DPP10: variants seen among roughly 807,000 people sequenced by gnomAD.
The protein encoded by DPP10 is dipeptidyl peptidase like 10.
A neutral mutation model predicts 120.9 loss-of-function variants in DPP10; 33 were observed. The observed-to-expected ratio is 0.27, with a 90% confidence interval of 0.21 to 0.37. The LOEUF (loss-of-function observed/expected upper bound fraction) is 0.37. Ranked by LOEUF, DPP10 falls within the 10% of genes least tolerant of loss-of-function variation. The pLI, the probability that DPP10 is intolerant of heterozygous loss-of-function variation, is 1.00. For missense variants in DPP10, 816 were observed against 942.8 expected (o/e 0.87, Z 1.76); for synonymous variants, 337 against 326.1 (o/e 1.03, Z -0.36).
intron 5 of DPP10, among the ~76,000 whole-genome samples, chr2:115,565,779 G>GTTTTTTTTTTGTTTTTTTTTTTTTTTTTT (rs1208433324): frequency 9.8e-6 from 1 of 101,562 alleles, no homozygotes; most frequent in African/African-American, 3.4e-5. Flanking sequence ...GTTTTTTTTT[G>GTTTTTTTTTTGTTTTTTTTTTTTTTTTTT]TTTTTTTTTG....
At chr2:115,066,372 G>T (rs912788538) in intron 1 of DPP10, among the ~76,000 whole-genome samples, 3 of 52,412 alleles carry the variant, frequency 5.7e-5, no homozygotes, top group African/African-American at 1.3e-4. Context: ...TATACATCAA[G>T]ATTATGCAAA....
At chr2:115,071,617 G>C (rs1470792958) in intron 1 of DPP10, among the ~76,000 whole-genome samples, 1 of 152,082 alleles carries the variant, frequency 6.6e-6, no homozygotes, top group Non-Finnish European at 1.5e-5. Context: ...AATTTCCCTA[G>C]GGAGGAACTC....
rs188533742 is a variant in DPP10, at chr2:115,567,341, C to T, written c.441+41369C>T. 3.9e-5 allele frequency among the ~76,000 whole-genome samples: 6 copies of T among 152,222 alleles called. No homozygotes were observed. The East Asian group carries it at 1.2e-3, about 29-fold the overall frequency. On this transcript the variant is annotated intron_variant, in intron 5 of 25. Transcript: ENST00000410059. The stretch of plus-strand genomic sequence containing the variant: ...TCTTCTTTCCAATTCTCACCCTCTC[C>T]TTACAGATAACCAGACTCCTTAGTT...
chr2:115,687,545 C>G (rs1460223905), intron 5 of DPP10, among the ~76,000 whole-genome samples: 1 of 147,250 alleles, frequency 6.8e-6, no homozygotes, highest in Non-Finnish European at 1.5e-5. Context: ...GAGGCCCAAG[C>G]CTATATGTTA....
At chr2:114,881,161 C>A (rs977984009) in intron 1 of DPP10, among the ~76,000 whole-genome samples, 1 of 152,026 alleles carries the variant, frequency 6.6e-6, no homozygotes, top group Non-Finnish European at 1.5e-5. Context: ...CCAAATTAAA[C>A]CAGAAGTGCC....
At chr2:115,075,562 G>A (rs879276572) in intron 1 of DPP10, among the ~76,000 whole-genome samples, 3 of 152,130 alleles carry the variant, frequency 2.0e-5, no homozygotes, top group Non-Finnish European at 2.9e-5. Flanking sequence ...TAATTCTCAT[G>A]TTTGTCAGCT....
At chr2:114,515,756 A>C (rs145127479) in intron 1 of DPP10, among the ~76,000 whole-genome samples, 1 of 151,192 alleles carries the variant, frequency 6.6e-6, no homozygotes, top group African/African-American at 2.4e-5. Context: ...TTGATTTTTT[A>C]TCATTTAATT....
At chr2:114,823,626 G>A (rs1443873883) in intron 1 of DPP10, among the ~76,000 whole-genome samples, 1 of 152,146 alleles carries the variant, frequency 6.6e-6, no homozygotes, top group Non-Finnish European at 1.5e-5. Context: ...AAGAGATGGT[G>A]AAGCACCCAG....
chr2:115,235,400 TA>T, intron 1 of DPP10, among the ~76,000 whole-genome samples: 1 of 152,192 alleles, frequency 6.6e-6, no homozygotes, highest in Non-Finnish European at 1.5e-5. Context: ...CTAAAAGAAC[TA>T]AAGATAGGCA....
At chr2:114,593,703 A>G (rs1691647398) in intron 1 of DPP10, among the ~76,000 whole-genome samples, 2 of 152,156 alleles carry the variant, frequency 1.3e-5, no homozygotes, top group African/African-American at 4.8e-5. Flanking sequence ...GCTGTAGCCT[A>G]GCAAACGGGT....
chr2:114,901,323 G>A (rs539158749), intron 1 of DPP10, among the ~76,000 whole-genome samples: 57 of 152,110 alleles, frequency 3.7e-4, no homozygotes, highest in African/African-American at 1.3e-3. Flanking sequence ...TCAGCCTCCC[G>A]AGCAGATGGG....
At chr2:114,509,732 T>C (rs1683975846) in intron 1 of DPP10, among the ~76,000 whole-genome samples, 1 of 152,218 alleles carries the variant, frequency 6.6e-6, no homozygotes, top group African/African-American at 2.4e-5. Context: ...AAGGGAAGAT[T>C]TGATAGTGTT....
At chr2:115,499,208 A>T (rs2076557304) in intron 3 of DPP10, among the ~76,000 whole-genome samples, 1 of 152,010 alleles carries the variant, frequency 6.6e-6, no homozygotes, top group African/African-American at 2.4e-5. Flanking sequence ...CTCTTTGCCC[A>T]TTTTTTCTCA....
Position 114,642,879 on chromosome 2 carries a change from AT to A in DPP10, c.60+200042del, listed in dbSNP as rs561095127. 2.8e-4 allele frequency among the ~76,000 whole-genome samples: 42 copies of A among 152,098 alleles called. 1 individual carries two copies. The East Asian group carries it at 7.5e-3, about 27-fold the overall frequency. On this transcript the variant is annotated intron_variant, in intron 1 of 25. Coordinates refer to ENST00000410059, the MANE Select transcript of DPP10 (RefSeq NM_020868.6). ...AGTAGAGGACCTGTTCCAATAACCC[AT>A]GAAAATAATCACAACATCCTAATCA... is the stretch of plus-strand genomic sequence containing the variant.
chr2:115,180,074 T>A (rs2053973733), intron 1 of DPP10, among the ~76,000 whole-genome samples: 1 of 152,174 alleles, frequency 6.6e-6, no homozygotes, highest in African/African-American at 2.4e-5. Context: ...GCTAATCTTT[T>A]AACACAAAGA....
In DPP10 at chr2:114,780,084, C is replaced by T. The variant is rs372833518; in HGVS notation, c.60+337246C>T. On this transcript the variant is annotated intron_variant, in intron 1 of 25. Coordinates refer to ENST00000410059, the MANE Select transcript of DPP10 (RefSeq NM_020868.6). The stretch of plus-strand genomic sequence containing the variant: ...CCGGGAGGCGTAGCTTGCAGTGAGC[C>T]GAGATTGCACCACTGCACTCCAGCC... Among the ~76,000 whole-genome samples the T allele has an allele frequency of 7.4e-4, 112 of 151,702 alleles. 3 individuals carry two copies. The South Asian group carries it at 0.022, about 30-fold the overall frequency.
At chr2:115,074,680 G>C (rs1707644527) in intron 1 of DPP10, among the ~76,000 whole-genome samples, 1 of 152,128 alleles carries the variant, frequency 6.6e-6, no homozygotes, top group Non-Finnish European at 1.5e-5. Context: ...AAGGTAATGA[G>C]GGTTGTCCGG....
intron 1 of DPP10, among the ~76,000 whole-genome samples, chr2:114,848,258 T>G (rs1320424640): frequency 1.3e-5 from 2 of 152,200 alleles, no homozygotes; most frequent in Non-Finnish European, 2.9e-5. Flanking sequence ...TCTGCCGTTG[T>G]GCATGGAAGT....
At chr2:114,817,203 G>T (rs569600952) in intron 1 of DPP10, among the ~76,000 whole-genome samples, 1 of 152,136 alleles carries the variant, frequency 6.6e-6, no homozygotes, top group East Asian at 1.9e-4. Flanking sequence ...GGCAAAATGA[G>T]GCAGCCTCTG....
Sources: allele counts gnomAD v4.1 joint callset (sites outside exome capture counted in the v4.1 genomes callset), GRCh38; gene constraint gnomAD v4.1.1; transcripts MANE v1.5; gene names NCBI Gene and HGNC (gene_info 2026-07-23, HGNC 2026-07-21).